The following DDX50 variants were observed in gnomAD, a reference collection of about 807,000 sequenced individuals.
DDX50 encodes the protein DExD-box helicase 50, also known as ATP-dependent RNA helicase DDX50.
A neutral mutation model predicts 94.8 loss-of-function variants in DDX50; 56 were observed. That is an observed-to-expected ratio of 0.59 (90% CI 0.48 to 0.74). The LOEUF (loss-of-function observed/expected upper bound fraction) is 0.74. DDX50 is among the 30% of genes least tolerant of loss of function. The probability of loss-of-function intolerance (pLI) is 0.00; values close to 1 mark genes in which losing one functional copy is unlikely to be tolerated. For synonymous variants in DDX50, 264 were observed against 295.4 expected (o/e 0.89, Z 1.09); for missense variants, 713 against 881.2 (o/e 0.81, Z 2.42).
Position 68,919,378 on chromosome 10 carries a change from C to T in DDX50, c.1090-454C>T, listed in dbSNP as rs145263586. 2.3e-3 allele frequency among the ~76,000 whole-genome samples: 355 copies of T among 152,206 alleles called. 2 individuals carry two copies. The highest frequency in any genetic ancestry group is 8.3e-3 in the African/African-American group (344 of 41,536). ...GTAACCCAAACCTTTATCATCATATCGAATATTGCCATCATCCTGGAAAGT... is the reference window on the plus strand; with the variant it reads ...GTAACCCAAACCTTTATCATCATATTGAATATTGCCATCATCCTGGAAAGT... On this transcript the variant is annotated intron_variant, in intron 7 of 14. Coordinates refer to ENST00000373585, the MANE Select transcript of DDX50 (RefSeq NM_024045.2).
At chr10:68,931,082 T>C (rs936611258) in intron 8 of DDX50, among the ~76,000 whole-genome samples, 4 of 152,148 alleles carry the variant, frequency 2.6e-5, no homozygotes, top group African/African-American at 9.7e-5. Context: ...TAAAGCCTCA[T>C]TGCCTCTTAG....
intron 8 of DDX50, among the ~76,000 whole-genome samples, chr10:68,924,605 C>T (rs77659857): frequency 0.057 from 8,726 of 151,974 alleles, 308 homozygotes; most frequent in Middle Eastern, 0.11. Context: ...AGAGCTGCTG[C>T]TTTTGTTATT....
intron 14 of DDX50, among the ~76,000 whole-genome samples, chr10:68,944,999 C>T (rs912318505): frequency 1.3e-5 from 2 of 152,122 alleles, no homozygotes; most frequent in Non-Finnish European, 2.9e-5. Context: ...GACTCCCAGG[C>T]ATTTGGCCAT....
chr10:68,907,568 C>T (rs975719208), intron 2 of DDX50, among the ~76,000 whole-genome samples: 6 of 152,058 alleles, frequency 3.9e-5, no homozygotes, highest in East Asian at 3.9e-4. Flanking sequence ...CCACCTGTCT[C>T]GGCTTCCCAA....
intron 1 of DDX50, among the ~76,000 whole-genome samples, chr10:68,903,942 C>T (rs1291556023): frequency 2.7e-5 from 4 of 149,118 alleles, no homozygotes; most frequent in Non-Finnish European, 5.9e-5. Flanking sequence ...CACCATTGCA[C>T]TCCAGCCTGG....
At chr10:68,928,725 A>T (rs1027520850) in intron 8 of DDX50, among the ~76,000 whole-genome samples, 3 of 152,164 alleles carry the variant, frequency 2.0e-5, no homozygotes, top group African/African-American at 7.2e-5. Context: ...AGCCACAGAC[A>T]CACCAACCTT....
At chr10:68,902,322 G>A (rs1226028303) in intron 1 of DDX50, among the ~76,000 whole-genome samples, 2 of 151,796 alleles carry the variant, frequency 1.3e-5, no homozygotes, top group East Asian at 3.9e-4. Flanking sequence ...ATCAGCTGAA[G>A]AGGCTAAGGT....
In DDX50 at chr10:68,901,396, A is replaced by C; in HGVS notation, c.12A>C (p.Lys4Asn). 6.4e-7 allele frequency: 1 copy of C among 1,555,422 alleles called. No individual in the cohort carries two copies. The highest frequency in any genetic ancestry group is 8.7e-7 in the Non-Finnish European group (1 of 1,150,584). The part of the protein sequence containing the change: MPG[K>N]LLWGDIMELE... ...GGCGGTGGCCAGTAATGCCTGGGAAACTCCTCTGGGGGGACATTATGGAGC... is the reference window on the plus strand; with the variant it reads ...GGCGGTGGCCAGTAATGCCTGGGAACCTCCTCTGGGGGGACATTATGGAGC... The change falls in exon 1 of 15, where the codon AAA (lysine) becomes AAC (asparagine). Residue 4 changes from lysine (K) to asparagine (N), a missense_variant. Physicochemically the swap from Lys to Asn is moderately conservative, Grantham distance 94. This residue lies in a region of DDX50 where 285 missense variants were observed against 278.9 expected (regional missense o/e 1.02). Transcript: ENST00000373585.
intron 1 of DDX50, 65 bp downstream of exon 1, chr10:68,901,536 C>T: frequency 6.7e-7 from 1 of 1,498,020 alleles, no homozygotes; most frequent in Non-Finnish European, 9.0e-7. Context: ...GGGGAACTGT[C>T]TGTCCCTGAT....
intron 14 of DDX50, among the ~76,000 whole-genome samples, chr10:68,943,524 G>A (rs1842598354): frequency 6.6e-6 from 1 of 151,822 alleles, no homozygotes; most frequent in African/African-American, 2.4e-5. Context: ...AGACTCCCAA[G>A]TAGCTAGAAC....
intron 1 of DDX50, among the ~76,000 whole-genome samples, chr10:68,903,908 A>G (rs1044353304): frequency 4.7e-5 from 7 of 149,838 alleles, no homozygotes; most frequent in African/African-American, 1.7e-4. Context: ...CCTGGGAGGC[A>G]GAGGTTGCAG....
At position 68,931,409 on chromosome 10, in the gene DDX50, A is replaced by ATATATG. The variant is rs1166109117; in HGVS notation, c.1240-2789_1240-2788insATATGT. Reference sequence around the variant, plus strand: ...AAAAAAAAAATATATATATATATATATGTATATATATATATATACACAAAC... The same window carrying ATATATG: ...AAAAAAAAAATATATATATATATATATATATGTGTATATATATATATATACACAAAC... On this transcript the variant is annotated intron_variant, in intron 8 of 14. Coordinates refer to ENST00000373585, the MANE Select transcript of DDX50 (RefSeq NM_024045.2). Among the ~76,000 whole-genome samples the ATATATG allele has an allele frequency of 1.4e-4, 10 of 72,836 alleles. No homozygotes were observed. The East Asian group carries it at 4.0e-3, about 29-fold the overall frequency. The allele number at this position is 72,836 out of a possible 152,430, so 47.8% of individuals were successfully genotyped here. A position where few individuals can be genotyped will look rare whatever the true frequency, so the allele number is the denominator to read the frequency against.
intron 1 of DDX50, among the ~76,000 whole-genome samples, chr10:68,903,387 G>C (rs891002419): frequency 6.0e-5 from 9 of 150,726 alleles, no homozygotes; most frequent in Non-Finnish European, 1.3e-4. Flanking sequence ...TAAAAATTGG[G>C]CCGGGCATGG....
Position 68,914,126 on chromosome 10 carries a change from A to C in DDX50, c.1011A>C (p.Ala337=), listed in dbSNP as rs2132029957. 2 of 1,611,682 alleles carry C rather than the reference A, an allele frequency of 1.2e-6. No homozygotes were observed. The highest frequency in any genetic ancestry group is 2.2e-5 in the East Asian group (1 of 44,664). ...GCCCACAGTGGGTATACAAAGTTGC[A>C]AAAAAATACATGAAATCCAGATATG... The part of the protein sequence containing the change: ...ATCPQWVYKV[A]KKYMKSRYEQ... Residue 337 remains alanine (A), a synonymous_variant, in exon 7 of 15, where the codon GCA becomes GCC. Transcript: ENST00000373585.
In DDX50 at chr10:68,907,036, CATT is replaced by C. The variant is rs201099322; in HGVS notation, c.384+30_384+32del. On this transcript the variant is annotated intron_variant, in intron 2 of 14. Transcript: ENST00000373585. Reference sequence around the variant, plus strand: ...TGGAAGCTTTTTATTTTGCATTTGACATTGTTGTTGAACTATAGGTTGATTTGA... The same window carrying C: ...TGGAAGCTTTTTATTTTGCATTTGACGTTGTTGAACTATAGGTTGATTTGA... 1.4e-3 allele frequency: 2,110 copies of C among 1,559,766 alleles called. 17 individuals carry two copies. In the African/African-American group the frequency reaches 0.019, roughly 14 times the overall value.
chr10:68,946,200 T>C, intron 14 of DDX50, 152 bp from the exon 15 acceptor site: 2 of 927,806 alleles, frequency 2.2e-6, no homozygotes, highest in Non-Finnish European at 3.0e-6. Context: ...ATATTTTTGC[T>C]TATTTTCTGG....
intron 1 of DDX50, among the ~76,000 whole-genome samples, chr10:68,903,804 A>C (rs1841361376): frequency 6.6e-6 from 1 of 151,300 alleles, no homozygotes; most frequent in Non-Finnish European, 1.5e-5. Flanking sequence ...CCATTTAAAA[A>C]AAAAACCCAA....
At chr10:68,932,301 C>T (rs1202104071) in intron 8 of DDX50, among the ~76,000 whole-genome samples, 1 of 152,166 alleles carries the variant, frequency 6.6e-6, no homozygotes, top group Non-Finnish European at 1.5e-5. Flanking sequence ...ACTCTGCCAC[C>T]CAGGCTAGAG....
intron 8 of DDX50, among the ~76,000 whole-genome samples, chr10:68,922,098 CTTG>C (rs994916034): frequency 2.6e-5 from 4 of 152,114 alleles, no homozygotes; most frequent in Admixed American, 6.6e-5. Flanking sequence ...TTTAAGGACT[CTTG>C]TTGTGCATAT....
Sources: allele counts gnomAD v4.1 joint callset (sites outside exome capture counted in the v4.1 genomes callset), GRCh38; gene constraint gnomAD v4.1.1; regional missense constraint gnomAD v4.1.1; transcripts MANE v1.5; gene names NCBI Gene and HGNC (gene_info 2026-07-23, HGNC 2026-07-21).